Variants in TWSG1 observed in about 807,000 individuals in gnomAD.
The protein encoded by TWSG1 is twisted gastrulation BMP signaling modulator 1.
TWSG1 carries 15 observed loss-of-function variants against 23.0 expected under a neutral mutation model. The observed-to-expected ratio is 0.65, with a 90% CI of 0.44 to 1.00. The LOEUF is 1.00. Among genes scored for constraint, TWSG1 ranks in the 50% least tolerant of loss-of-function variants. The pLI is 0.00. For synonymous variants in TWSG1, 86 were observed against 92.8 expected (o/e 0.93, Z 0.42); for missense variants, 242 against 278.7 (o/e 0.87, Z 0.94).
intron 2 of TWSG1, among the ~76,000 whole-genome samples, chr18:9,338,966 A>G (rs2040434070): frequency 6.6e-6 from 1 of 152,214 alleles, no homozygotes; most frequent in African/African-American, 2.4e-5. Flanking sequence ...TGAGAGATTG[A>G]GGCAGGAGGA....
chr18:9,359,193 GT>G (rs912502779), intron 2 of TWSG1, among the ~76,000 whole-genome samples: 3 of 151,746 alleles, frequency 2.0e-5, no homozygotes, highest in Admixed American at 1.3e-4. Flanking sequence ...GCAGCTGCTG[GT>G]TGGTTGGAAG....
intron 3 of TWSG1, among the ~76,000 whole-genome samples, chr18:9,363,051 G>T (rs2040559955): frequency 6.6e-6 from 1 of 152,096 alleles, no homozygotes; most frequent in South Asian, 2.1e-4. Flanking sequence ...TTCCTAAGTT[G>T]AAATAGTCCC....
intron 2 of TWSG1, among the ~76,000 whole-genome samples, chr18:9,343,536 T>G (rs2040457643): frequency 6.6e-6 from 1 of 152,068 alleles, no homozygotes; most frequent in South Asian, 2.1e-4. Context: ...TCAGAACATT[T>G]TCATTACTTT....
chr18:9,339,762 G>A (rs933040534), intron 2 of TWSG1, among the ~76,000 whole-genome samples: 2 of 150,942 alleles, frequency 1.3e-5, no homozygotes, highest in Admixed American at 6.6e-5. Flanking sequence ...GAGATCGTGC[G>A]ACTGCACTCC....
At chr18:9,397,550 TA>T (rs1373110551) in intron 4 of TWSG1, among the ~76,000 whole-genome samples, 2 of 152,244 alleles carry the variant, frequency 1.3e-5, no homozygotes, top group African/African-American at 2.4e-5. Context: ...AAATCTTTGA[TA>T]TTTTTTGACA....
At chr18:9,397,261 G>T (rs1387098213) in intron 4 of TWSG1, among the ~76,000 whole-genome samples, 2 of 152,152 alleles carry the variant, frequency 1.3e-5, no homozygotes, top group Non-Finnish European at 2.9e-5. Context: ...GTGACATTCA[G>T]AGTATCCCAT....
intron 2 of TWSG1, among the ~76,000 whole-genome samples, chr18:9,344,696 C>T (rs1654007563): frequency 6.6e-6 from 1 of 151,440 alleles, no homozygotes; most frequent in Non-Finnish European, 1.5e-5. Context: ...GTCTGGTTAG[C>T]TTATTGTATA....
rs6146209 is a variant in TWSG1, at chr18:9,343,210, TTATA to T, written c.123+5906_123+5909del. Reference sequence around the variant, plus strand: ...AGGAAATGCCCTGTTTTGTTTTTTGTTATATATATATATATATATATATATATAT... The same window carrying T: ...AGGAAATGCCCTGTTTTGTTTTTTGTTATATATATATATATATATATATAT... On this transcript the variant is annotated intron_variant, in intron 2 of 4. Coordinates refer to ENST00000262120, the MANE Select transcript of TWSG1 (RefSeq NM_020648.6). Among the ~76,000 whole-genome samples, 993 of 130,282 alleles carry T rather than the reference TTATA, an allele frequency of 7.6e-3. 10 individuals are homozygous for T. Among genetic ancestry groups the T allele is most frequent in the Non-Finnish European group, 0.011 (650 of 61,002 alleles). The allele number at this position is 130,282 out of a possible 152,430, so 85.5% of individuals were successfully genotyped here.
intron 3 of TWSG1, among the ~76,000 whole-genome samples, chr18:9,369,569 T>A (rs1291372396): frequency 6.6e-6 from 1 of 152,082 alleles, no homozygotes; most frequent in Non-Finnish European, 1.5e-5. Flanking sequence ...CCTGGGCCCT[T>A]TGCCCATTTT....
chr18:9,374,690 T>G (rs1490587856), intron 3 of TWSG1, among the ~76,000 whole-genome samples: 1 of 152,182 alleles, frequency 6.6e-6, no homozygotes, highest in African/African-American at 2.4e-5. Context: ...GTTAGCATTG[T>G]CCTAATACCC....
At chr18:9,387,515 A>G (rs1026732285) in intron 3 of TWSG1, among the ~76,000 whole-genome samples, 2 of 152,126 alleles carry the variant, frequency 1.3e-5, no homozygotes, top group Admixed American at 1.3e-4. Context: ...GCGTAATCCC[A>G]GCACTTTGGG....
intron 3 of TWSG1, among the ~76,000 whole-genome samples, chr18:9,377,051 A>G (rs1277489676): frequency 1.3e-5 from 2 of 152,096 alleles, no homozygotes; most frequent in African/African-American, 2.4e-5. Context: ...CGCAAAAACT[A>G]TACCACTTTA....
Position 9,399,413 on chromosome 18 carries a change from G to C in TWSG1, c.558G>C (p.Glu186Asp), listed in dbSNP as rs72948180. The C allele has an allele frequency of 9.3e-6, 15 of 1,613,990 alleles. No homozygotes were observed. In the South Asian group the frequency reaches 1.1e-4, roughly 12 times the overall value. ...TACATCAGTGTAAAATATCCTGTGA[G>C]TCCATGGGAGCATCCAAATATCGCT... ...MSIHQCKISC[E>D]SMGASKYRWF... The change falls in exon 5 of 5, where the codon GAG becomes GAC. Residue 186 changes from glutamate to aspartate, a missense_variant. Glu to Asp is a conservative substitution (Grantham distance 45). Transcript: ENST00000262120.
chr18:9,368,917 C>T (rs1217309098), intron 3 of TWSG1, among the ~76,000 whole-genome samples: 1 of 151,780 alleles, frequency 6.6e-6, no homozygotes, highest in Non-Finnish European at 1.5e-5. Context: ...AACTGCACTC[C>T]AGCCTGGGCA....
intron 2 of TWSG1, among the ~76,000 whole-genome samples, chr18:9,345,525 C>T (rs1419820508): frequency 6.6e-6 from 1 of 152,106 alleles, no homozygotes; most frequent in Non-Finnish European, 1.5e-5. Flanking sequence ...CATTTCTCCC[C>T]CACTGAGTTA....
intron 2 of TWSG1, among the ~76,000 whole-genome samples, chr18:9,354,294 AT>A (rs1437811248): frequency 6.6e-6 from 1 of 152,212 alleles, no homozygotes; most frequent in East Asian, 1.9e-4. Flanking sequence ...CACAGTGCCT[AT>A]AAGGGTTAAA....
intron 2 of TWSG1, among the ~76,000 whole-genome samples, chr18:9,343,135 C>T (rs1382692797): frequency 1.4e-5 from 2 of 146,384 alleles, no homozygotes; most frequent in Admixed American, 7.0e-5. Flanking sequence ...TTCATTCATT[C>T]TGTTTGGTAT....
At chr18:9,397,730 G>T (rs956352007) in intron 4 of TWSG1, among the ~76,000 whole-genome samples, 2 of 152,178 alleles carry the variant, frequency 1.3e-5, no homozygotes, top group Non-Finnish European at 2.9e-5. Context: ...TGCGGGCTGG[G>T]TGCGGTGGCT....
chr18:9,353,165 G>A (rs1461026902), intron 2 of TWSG1, among the ~76,000 whole-genome samples: 1 of 152,092 alleles, frequency 6.6e-6, no homozygotes, highest in Non-Finnish European at 1.5e-5. Flanking sequence ...GCTCTACCAT[G>A]TAGGTTTGTA....
Sources: allele counts gnomAD v4.1 joint callset (sites outside exome capture counted in the v4.1 genomes callset), GRCh38; gene constraint gnomAD v4.1.1; transcripts MANE v1.5; gene names NCBI Gene and HGNC (gene_info 2026-07-23, HGNC 2026-07-21).